The following ARL15 variants were observed in gnomAD, a reference collection of about 807,000 sequenced individuals.
ARL15 encodes the protein ADP-ribosylation factor-like protein 15.
ARL15 carries 19 observed loss-of-function variants against 25.2 expected under a neutral mutation model. The ratio of observed to expected loss-of-function variants is 0.75; its 90% CI spans 0.53 to 1.10. The LOEUF (loss-of-function observed/expected upper bound fraction) is 1.10. Among genes scored for constraint, ARL15 ranks in the 50% least tolerant of loss-of-function variants. The pLI is 0.00. For synonymous variants in ARL15, 94 were observed against 86.8 expected, an observed-to-expected ratio of 1.08 and a Z score of -0.46; for missense variants, 220 against 246.0, an observed-to-expected ratio of 0.89 and a Z score of 0.71.
intron 4 of ARL15, among the ~76,000 whole-genome samples, chr5:53,891,766 T>G (rs541773881): frequency 6.6e-6 from 1 of 152,280 alleles, no homozygotes; most frequent in South Asian, 2.1e-4. Flanking sequence ...AGGATCTATC[T>G]AAGGAGCTTT....
chr5:54,043,542 G>T (rs989431031), intron 4 of ARL15, among the ~76,000 whole-genome samples: 6 of 152,128 alleles, frequency 3.9e-5, no homozygotes, highest in African/African-American at 1.4e-4. Flanking sequence ...ATGGGTAAAG[G>T]CTGGAAATTT....
intron 1 of ARL15, among the ~76,000 whole-genome samples, chr5:54,303,387 T>G (rs1025419404): frequency 6.6e-6 from 1 of 152,010 alleles, no homozygotes. Context: ...ACCATACGCC[T>G]GTAGTCCCAG....
chr5:54,055,253 T>C (rs550611902), intron 4 of ARL15, among the ~76,000 whole-genome samples: 278 of 152,088 alleles, frequency 1.8e-3, no homozygotes, highest in Middle Eastern at 6.8e-3. Context: ...GTAAACGGCA[T>C]AGTATGACAT....
rs1468272795 is a variant in ARL15, at chr5:54,113,360, C to T, written c.304G>A (p.Gly102Arg). The T allele has an allele frequency of 5.6e-6, 9 of 1,613,828 alleles. No homozygotes were observed. Among genetic ancestry groups the T allele is most frequent in the African/African-American group, 1.3e-5 (1 of 74,926 alleles). Reference sequence around the variant, plus strand: ...GCACTGTCTAATACAAATATTACCCCTTGAGATCCTTGGTAGTAGCGGCTC... The same window carrying T: ...GCACTGTCTAATACAAATATTACCCTTTGAGATCCTTGGTAGTAGCGGCTC... ...YWSRYYQGSQ[G>R]VIFVLDSASS... is the part of the protein sequence containing the mutation. The change falls in exon 4 of 5, where the codon GGG becomes AGG. Residue 102 changes from glycine (G) to arginine (R), a missense_variant. Coordinates refer to ENST00000504924, the MANE Select transcript of ARL15 (RefSeq NM_019087.3).
chr5:54,046,228 C>T (rs1324165507), intron 4 of ARL15, among the ~76,000 whole-genome samples: 1 of 152,184 alleles, frequency 6.6e-6, no homozygotes, highest in Non-Finnish European at 1.5e-5. Context: ...CACCTGTAAT[C>T]CCAGCACTTT....
intron 4 of ARL15, among the ~76,000 whole-genome samples, chr5:53,956,711 A>G (rs1293296164): frequency 3.9e-5 from 6 of 152,000 alleles, no homozygotes; most frequent in Non-Finnish European, 8.8e-5. Context: ...GAAAATCTGG[A>G]GCTGACATAT....
intron 1 of ARL15, chr5:54,282,369 T>C (rs1758080295): frequency 3.0e-6 from 3 of 985,474 alleles, no homozygotes; most frequent in Non-Finnish European, 3.6e-6. Flanking sequence ...GAAATGTTTG[T>C]ACCAAAGAAC....
chr5:53,939,849 AAAATT>A (rs1400725076), intron 4 of ARL15, among the ~76,000 whole-genome samples: 1 of 152,262 alleles, frequency 6.6e-6, no homozygotes, highest in African/African-American at 2.4e-5. Context: ...ATAAAAGAAT[AAAATT>A]AAACACTGAT....
chr5:54,240,893 C>T lies in ARL15; in HGVS notation c.49-68965G>A, dbSNP rs544336780. ...GATTTTTGAATTGGGGATGCTCAAA[C>T]GGTTAAAGTATCTGCAAAAATCCAA... On this transcript the variant is annotated intron_variant, in intron 1 of 4. Transcript: ENST00000504924. Among the ~76,000 whole-genome samples the T allele has an allele frequency of 5.2e-4, 79 of 152,260 alleles. 3 individuals carry two copies. The South Asian group carries it at 0.015, about 28-fold the overall frequency.
chr5:53,973,891 C>T (rs543866268), intron 4 of ARL15, among the ~76,000 whole-genome samples: 21 of 151,976 alleles, frequency 1.4e-4, no homozygotes, highest in East Asian at 1.4e-3. Context: ...CTATTTTCAA[C>T]GATTTTTCCC....
At chr5:53,960,507 G>T (rs958434238) in intron 4 of ARL15, among the ~76,000 whole-genome samples, 2 of 152,180 alleles carry the variant, frequency 1.3e-5, no homozygotes, top group South Asian at 4.1e-4. Flanking sequence ...TGTAGAGACA[G>T]CTTGTCCTCC....
intron 4 of ARL15, among the ~76,000 whole-genome samples, chr5:54,089,884 A>C (rs76927716): frequency 5.4e-4 from 82 of 152,308 alleles, no homozygotes; most frequent in African/African-American, 1.9e-3. Flanking sequence ...TATTTCTTGT[A>C]TTTTATAGCA....
chr5:54,242,139 A>G (rs752423986), intron 1 of ARL15, among the ~76,000 whole-genome samples: 4 of 152,080 alleles, frequency 2.6e-5, no homozygotes, highest in Non-Finnish European at 5.9e-5. Flanking sequence ...CTTCTCCTGC[A>G]TCACTTTTAA....
At chr5:54,254,657 G>A (rs1396476298) in intron 1 of ARL15, among the ~76,000 whole-genome samples, 1 of 152,184 alleles carries the variant, frequency 6.6e-6, no homozygotes, top group Non-Finnish European at 1.5e-5. Flanking sequence ...CATGTAGTAG[G>A]CCCTTCATAA....
chr5:54,205,037 C>T (rs1341656552), intron 1 of ARL15, among the ~76,000 whole-genome samples: 1 of 150,092 alleles, frequency 6.7e-6, no homozygotes, highest in Non-Finnish European at 1.5e-5. Context: ...TGGGTTCAAG[C>T]GATTCTCCTG....
At chr5:54,113,589 A>G (rs1362455845) in intron 3 of ARL15, among the ~76,000 whole-genome samples, 179 bp from the exon 4 acceptor site, 5 of 152,236 alleles carry the variant, frequency 3.3e-5, no homozygotes, top group Non-Finnish European at 7.3e-5. Flanking sequence ...GGGAACAAAG[A>G]AGGCAGTAGA....
chr5:53,939,366 T>C (rs748653883), intron 4 of ARL15, among the ~76,000 whole-genome samples: 20 of 152,244 alleles, frequency 1.3e-4, no homozygotes, highest in Non-Finnish European at 2.6e-4. Context: ...GTTATAATGT[T>C]ATTAAAATTC....
intron 1 of ARL15, among the ~76,000 whole-genome samples, chr5:54,242,597 G>C (rs1361131839): frequency 6.6e-6 from 1 of 152,174 alleles, no homozygotes; most frequent in Non-Finnish European, 1.5e-5. Context: ...TTCTTGGAAG[G>C]GTTGCTGAGA....
At chr5:54,247,224 T>G (rs1181218851) in intron 1 of ARL15, among the ~76,000 whole-genome samples, 2 of 34,572 alleles carry the variant, frequency 5.8e-5, no homozygotes, top group East Asian at 6.1e-4. Context: ...AAAGTTTTGT[T>G]TTTTTTTTTT....
Sources: allele counts gnomAD v4.1 joint callset (sites outside exome capture counted in the v4.1 genomes callset), GRCh38; gene constraint gnomAD v4.1.1; transcripts MANE v1.5; gene names NCBI Gene and HGNC (gene_info 2026-07-23, HGNC 2026-07-21).